Variants in MAGI1 observed in about 807,000 individuals in gnomAD.
MAGI1 encodes the protein membrane associated guanylate kinase, WW and PDZ domain containing 1, also known as membrane-associated guanylate kinase, WW and PDZ domain-containing protein 1.
MAGI1 carries 58 observed loss-of-function variants against 139.9 expected under a neutral mutation model. The ratio of observed to expected loss-of-function variants is 0.41; its 90% CI spans 0.34 to 0.52. The LOEUF (loss-of-function observed/expected upper bound fraction) is 0.52, where lower values mean the gene tolerates loss of function less well. Among genes scored for constraint, MAGI1 ranks in the 20% least tolerant of loss-of-function variants. The pLI is 0.12. For missense variants in MAGI1, 1,874 were observed against 1,901.6 expected, an observed-to-expected ratio of 0.99 and a Z score of 0.27; for synonymous variants, 812 against 737.9, an observed-to-expected ratio of 1.10 and a Z score of -1.63.
intron 1 of MAGI1, among the ~76,000 whole-genome samples, chr3:65,778,441 A>ATAAAT (rs67090174): frequency 2.7e-5 from 4 of 145,692 alleles, no homozygotes; most frequent in Non-Finnish European, 4.5e-5. Context: ...AAAAAAAAAA[A>ATAAAT]AAATAAATAA....
At chr3:65,388,988 C>T (rs146047967) in intron 14 of MAGI1, among the ~76,000 whole-genome samples, 7,142 of 151,560 alleles carry the variant, frequency 0.047, 220 homozygotes, top group South Asian at 0.16. Context: ...GGACTACAGG[C>T]GCACGCCACC....
chr3:65,387,667 G>C (rs556400710), intron 14 of MAGI1, among the ~76,000 whole-genome samples: 5 of 152,118 alleles, frequency 3.3e-5, no homozygotes, highest in Non-Finnish European at 7.4e-5. Flanking sequence ...ATCTGTTCAG[G>C]TGAATTCTAA....
intron 3 of MAGI1, among the ~76,000 whole-genome samples, chr3:65,486,052 T>A (rs751017973): frequency 9.9e-5 from 15 of 152,174 alleles, no homozygotes; most frequent in Non-Finnish European, 1.0e-4. Flanking sequence ...TTCTAAGGCC[T>A]GCCAAAGAAC....
intron 1 of MAGI1, among the ~76,000 whole-genome samples, chr3:66,025,522 G>T (rs1368224441): frequency 6.6e-6 from 1 of 152,140 alleles, no homozygotes; most frequent in Non-Finnish European, 1.5e-5. Flanking sequence ...CGACAGAGAA[G>T]TAAGGCTCTG....
At chr3:65,668,705 T>C (rs1454003371) in intron 1 of MAGI1, among the ~76,000 whole-genome samples, 2 of 151,496 alleles carry the variant, frequency 1.3e-5, no homozygotes, top group Non-Finnish European at 2.9e-5. Context: ...TAGCTGGGGT[T>C]ACAGGCGTGC....
chr3:65,959,341 G>A (rs1277815775), intron 1 of MAGI1, among the ~76,000 whole-genome samples: 1 of 151,936 alleles, frequency 6.6e-6, no homozygotes, highest in Non-Finnish European at 1.5e-5. Flanking sequence ...TATCCTCTTA[G>A]CTATACAATG....
chr3:65,652,823 TA>T (rs1036621753), intron 1 of MAGI1, among the ~76,000 whole-genome samples: 27 of 152,288 alleles, frequency 1.8e-4, no homozygotes, highest in African/African-American at 6.0e-4. Context: ...TTCAAGAGAC[TA>T]AAGATGTAAT....
chr3:66,028,734 G>C (rs539645419), intron 1 of MAGI1, among the ~76,000 whole-genome samples: 1 of 152,030 alleles, frequency 6.6e-6, no homozygotes, highest in Non-Finnish European at 1.5e-5. Context: ...GGAGAAACTC[G>C]GGCAACTCAA....
intron 1 of MAGI1, among the ~76,000 whole-genome samples, chr3:65,632,839 T>C (rs1367074792): frequency 6.6e-6 from 1 of 152,184 alleles, no homozygotes; most frequent in Non-Finnish European, 1.5e-5. Context: ...GGTAAGGAAT[T>C]CTCCTTAAGT....
intron 1 of MAGI1, among the ~76,000 whole-genome samples, chr3:65,780,411 C>A (rs1392318060): frequency 6.6e-6 from 1 of 152,132 alleles, no homozygotes; most frequent in African/African-American, 2.4e-5. Context: ...TGCAAAAGCA[C>A]TGAAGAAGAT....
intron 1 of MAGI1, among the ~76,000 whole-genome samples, chr3:65,815,916 A>G (rs1208986202): frequency 6.6e-6 from 1 of 152,202 alleles, no homozygotes; most frequent in Non-Finnish European, 1.5e-5. Flanking sequence ...GAGATCTAAC[A>G]TACTCCACTG....
chr3:65,761,995 C>T (rs949471377), intron 1 of MAGI1, among the ~76,000 whole-genome samples: 4 of 152,136 alleles, frequency 2.6e-5, no homozygotes, highest in Admixed American at 6.6e-5. Context: ...CATATCCACA[C>T]CTCAATAGAG....
chr3:65,723,963 A>C lies in MAGI1; in HGVS notation c.314-101875T>G, dbSNP rs529089866. The stretch of plus-strand genomic sequence containing the variant: ...AAATCTACTAGGTGTACCTGTGAAC[A>C]CACACATTTCAAAAATCCCATCAAT... On this transcript the variant is annotated intron_variant, in intron 1 of 22. Transcript: ENST00000402939. Among the ~76,000 whole-genome samples the C allele has an allele frequency of 2.0e-5, 3 of 152,344 alleles. No individual in the cohort carries two copies. In the South Asian group the frequency reaches 6.2e-4, roughly 32 times the overall value.
intron 2 of MAGI1, among the ~76,000 whole-genome samples, chr3:65,509,734 C>A (rs1472734626): frequency 1.3e-5 from 2 of 152,092 alleles, no homozygotes; most frequent in Non-Finnish European, 2.9e-5. Flanking sequence ...GGGAGGGGCG[C>A]CCGCCATTGC....
At chr3:65,628,176 A>C (rs2084088200) in intron 1 of MAGI1, among the ~76,000 whole-genome samples, 1 of 152,060 alleles carries the variant, frequency 6.6e-6, no homozygotes, top group Non-Finnish European at 1.5e-5. Flanking sequence ...AAATGGTGGT[A>C]CCAATTTGCC....
intron 1 of MAGI1, among the ~76,000 whole-genome samples, chr3:65,867,096 A>G (rs868123827): frequency 3.7e-4 from 57 of 152,266 alleles, no homozygotes; most frequent in African/African-American, 1.3e-3. Context: ...GAAATTGGAG[A>G]CCATTAAGAA....
intron 1 of MAGI1, among the ~76,000 whole-genome samples, chr3:65,974,407 G>GATGGA (rs1256342937): frequency 1.5e-5 from 1 of 67,914 alleles, no homozygotes; most frequent in South Asian, 7.9e-4. Flanking sequence ...GGGTGGATGG[G>GATGGA]TGGATGGATG....
At chr3:65,788,707 T>G (rs2039559407) in intron 1 of MAGI1, among the ~76,000 whole-genome samples, 1 of 152,080 alleles carries the variant, frequency 6.6e-6, no homozygotes, top group Admixed American at 6.6e-5. Context: ...TCAGAAAGCA[T>G]TAAATAAATC....
intron 2 of MAGI1, among the ~76,000 whole-genome samples, chr3:65,565,092 A>G (rs2080549031): frequency 6.6e-6 from 1 of 152,222 alleles, no homozygotes; most frequent in Non-Finnish European, 1.5e-5. Context: ...GCACATCAGC[A>G]TACACACGGG....
Sources: allele counts gnomAD v4.1 joint callset (sites outside exome capture counted in the v4.1 genomes callset), GRCh38; gene constraint gnomAD v4.1.1; transcripts MANE v1.5; gene names NCBI Gene and HGNC (gene_info 2026-07-23, HGNC 2026-07-21).